The following RSF1 variants were observed in gnomAD, a reference collection of about 807,000 sequenced individuals.
RSF1 encodes remodeling and spacing factor 1.
RSF1 carries 13 observed loss-of-function variants against 145.2 expected under a neutral mutation model. That is an observed-to-expected ratio of 0.09 (90% CI 0.06 to 0.14). RSF1 has a LOEUF of 0.14. Ranked by LOEUF, RSF1 falls within the 10% of genes least tolerant of loss-of-function variation. RSF1 has a pLI of 1.00. For synonymous variants in RSF1, 577 were observed against 592.6 expected, an observed-to-expected ratio of 0.97 and a Z score of 0.38; for missense variants, 1,517 against 1,718.2, an observed-to-expected ratio of 0.88 and a Z score of 2.07.
the RSF1 span, among the ~76,000 whole-genome samples, chr11:77,871,983 GA>G: frequency 6.6e-6 from 1 of 152,202 alleles, no homozygotes; most frequent in Non-Finnish European, 1.5e-5. Context: ...TGGGTATTAT[GA>G]TACCTCTGAC....
upstream of RSF1, chr11:77,820,723 G>A (rs1253852509): frequency 2.6e-6 from 4 of 1,542,882 alleles, no homozygotes; most frequent in Non-Finnish European, 3.5e-6. Flanking sequence ...ATTTTGAACT[G>A]GAGGATGGAG....
intron 5 of RSF1, among the ~76,000 whole-genome samples, chr11:77,715,582 GGATTA>G: frequency 6.6e-6 from 1 of 151,994 alleles, no homozygotes; most frequent in Non-Finnish European, 1.5e-5. Context: ...CAAGTAGCTG[GGATTA>G]CAGGCTCATG....
chr11:77,800,967 C>A (rs1425524259), intron 1 of RSF1, among the ~76,000 whole-genome samples: 1 of 152,046 alleles, frequency 6.6e-6, no homozygotes, highest in African/African-American at 2.4e-5. Context: ...ATCGCACTAT[C>A]GCACTCCAAC....
chr11:77,757,282 T>A (rs1948125378), intron 2 of RSF1, among the ~76,000 whole-genome samples: 1 of 152,090 alleles, frequency 6.6e-6, no homozygotes, highest in East Asian at 1.9e-4. Context: ...GGATTGGCAA[T>A]GGACAGAGAC....
chr11:77,862,768 G>A, the RSF1 span, among the ~76,000 whole-genome samples: 47 of 152,332 alleles, frequency 3.1e-4, no homozygotes, highest in African/African-American at 1.1e-3. Flanking sequence ...CTAGGTGTAA[G>A]ATGGTGTTAT....
At chr11:77,728,830 C>T (rs1401218864) in intron 4 of RSF1, among the ~76,000 whole-genome samples, 3 of 151,098 alleles carry the variant, frequency 2.0e-5, no homozygotes, top group Non-Finnish European at 2.9e-5. Flanking sequence ...AGAAAAATAT[C>T]CCGGTGTTAG....
intron 4 of RSF1, among the ~76,000 whole-genome samples, chr11:77,732,495 C>A (rs1004980543): frequency 7.2e-5 from 11 of 152,160 alleles, no homozygotes; most frequent in African/African-American, 2.6e-4. Context: ...GGGGCCGGGG[C>A]AGAAAAATAT....
upstream of RSF1, chr11:77,820,977 G>A: frequency 1.9e-6 from 1 of 536,658 alleles, no homozygotes; most frequent in Non-Finnish European, 3.3e-6. Flanking sequence ...CCTCCCCTTC[G>A]GGCTTGCCAC....
intron 1 of RSF1, among the ~76,000 whole-genome samples, chr11:77,795,907 T>C (rs902035661): frequency 5.3e-5 from 8 of 152,190 alleles, no homozygotes; most frequent in East Asian, 1.9e-4. Context: ...TTGTTATTGG[T>C]TTCCTCAGGG....
At chr11:77,780,012 C>T (rs1397790034) in intron 1 of RSF1, among the ~76,000 whole-genome samples, 1 of 152,210 alleles carries the variant, frequency 6.6e-6, no homozygotes, top group Non-Finnish European at 1.5e-5. Context: ...TTTTATCCCA[C>T]TTAATCCAGA....
At chr11:77,734,515 AAG>A in intron 4 of RSF1, 1 of 1,587,550 alleles carries the variant, frequency 6.3e-7, no homozygotes, top group South Asian at 1.1e-5. Flanking sequence ...GTGCTTGTCA[AAG>A]AGATATTCTG....
chr11:77,764,755 T>C (rs897779472), intron 1 of RSF1, 66 bp from the exon 2 acceptor site: 1 of 1,010,484 alleles, frequency 9.9e-7, no homozygotes, highest in African/African-American at 1.6e-5. Context: ...TTTAAGATAA[T>C]AAAAAAATAA....
At chr11:77,727,329 C>T (rs768619054) in intron 4 of RSF1, among the ~76,000 whole-genome samples, 39 of 152,138 alleles carry the variant, frequency 2.6e-4, no homozygotes, top group Admixed American at 1.3e-3. Context: ...CCATATGCAA[C>T]GAATGGCTCG....
At chr11:77,809,521 G>C (rs1471051501) in intron 1 of RSF1, among the ~76,000 whole-genome samples, 1 of 151,940 alleles carries the variant, frequency 6.6e-6, no homozygotes, top group Non-Finnish European at 1.5e-5. Context: ...TAGAAGATAG[G>C]GTATAAAATG....
chr11:77,865,441 G>A, the RSF1 span, among the ~76,000 whole-genome samples: 1 of 152,142 alleles, frequency 6.6e-6, no homozygotes, highest in Non-Finnish European at 1.5e-5. Flanking sequence ...GGCATGGCAG[G>A]GCTCTAACTT....
At chr11:77,869,168 A>G in the RSF1 span, 1 of 241,600 alleles carries the variant, frequency 4.1e-6, no homozygotes, top group Non-Finnish European at 8.2e-6. Context: ...TATTGGGTGC[A>G]TCTCCTCTTT....
intron 3 of RSF1, among the ~76,000 whole-genome samples, chr11:77,743,028 C>T (rs979377832): frequency 3.3e-5 from 5 of 152,212 alleles, no homozygotes; most frequent in African/African-American, 1.2e-4. Context: ...ATCCTGATAC[C>T]ACCGTCAAAA....
At chr11:77,714,333 T>C (rs571976124) in intron 5 of RSF1, among the ~76,000 whole-genome samples, 88 of 152,314 alleles carry the variant, frequency 5.8e-4, no homozygotes, top group African/African-American at 2.0e-3. Flanking sequence ...ATGTTCCTTT[T>C]ATGGGGGAAT....
chr11:77,724,174 C>A (rs1960999486), intron 5 of RSF1, among the ~76,000 whole-genome samples: 1 of 152,118 alleles, frequency 6.6e-6, no homozygotes, highest in Admixed American at 6.5e-5. Flanking sequence ...CATCACTTGT[C>A]ATTAGGAACT....
Sources: allele counts gnomAD v4.1 joint callset (sites outside exome capture counted in the v4.1 genomes callset), GRCh38; gene constraint gnomAD v4.1.1; transcripts MANE v1.5; gene names NCBI Gene and HGNC (gene_info 2026-07-23, HGNC 2026-07-21).